Variants in DR1 observed in about 807,000 individuals in gnomAD.
DR1 encodes down-regulator of transcription 1.
DR1 carries 7 observed loss-of-function variants against 19.9 expected under a neutral mutation model. The observed-to-expected ratio is 0.35, with a 90% CI of 0.20 to 0.66. The LOEUF is 0.66. Among genes scored for constraint, DR1 ranks in the 30% least tolerant of loss-of-function variants. The pLI, the probability that DR1 is intolerant of heterozygous loss-of-function variation, is 0.66. For synonymous variants in DR1, 76 were observed against 72.5 expected (o/e 1.05, Z -0.24); for missense variants, 98 against 203.7 (o/e 0.48, Z 3.16).
intron 2 of DR1, among the ~76,000 whole-genome samples, chr1:93,359,444 G>A (rs1263733022): frequency 1.4e-4 from 21 of 152,134 alleles, no homozygotes; most frequent in Admixed American, 1.4e-3. Flanking sequence ...GAATGCATAG[G>A]GAATTATGGT....
intron 2 of DR1, chr1:93,355,642 A>G (rs1666971397): frequency 6.6e-6 from 1 of 152,224 alleles, no homozygotes; most frequent in African/African-American, 2.4e-5. Context: ...ACTGCCTGCT[A>G]TATCTGTCTT....
chr1:93,350,054 A>G (rs1666897637), intron 1 of DR1, among the ~76,000 whole-genome samples: 1 of 152,206 alleles, frequency 6.6e-6, no homozygotes, highest in Non-Finnish European at 1.5e-5. Context: ...GGACACATCT[A>G]ATTTGCACTG....
chr1:93,353,977 T>C lies in DR1; in HGVS notation c.290T>C (p.Val97Ala). ...VKEVLQECKTVALKRRKASSR... is the reference protein window; with the variant it reads ...VKEVLQECKTAALKRRKASSR... ...GAAGTCTTGCAAGAGTGTAAAACAG[T>C]AGCATTAAAAAGAAGAAAGGCCAGT... The change falls in exon 2 of 3, where the codon GTA becomes GCA. Residue 97 changes from valine (V) to alanine (A), a missense_variant. Val to Ala is a moderately conservative substitution (Grantham distance 64). Coordinates refer to ENST00000370272, the MANE Select transcript of DR1 (RefSeq NM_001938.3). 6.2e-7 allele frequency: 1 copy of C among 1,613,860 alleles called. No individual in the cohort carries two copies. Among genetic ancestry groups the C allele is most frequent in the Non-Finnish European group, 8.5e-7 (1 of 1,179,842 alleles).
rs143230866 is a variant in DR1, at chr1:93,358,521, C to G, written c.385-1972C>G. 6.0e-3 allele frequency among the ~76,000 whole-genome samples: 914 copies of G among 152,326 alleles called. 21 individuals are homozygous for G. Among genetic ancestry groups the G allele is most frequent in the Admixed American group, 0.041 (626 of 15,302 alleles). On this transcript the variant is annotated intron_variant, in intron 2 of 2. Coordinates refer to ENST00000370272, the MANE Select transcript of DR1 (RefSeq NM_001938.3). ...AGCCTGAACCCGCACCCCATCCCCC[C>G]ACTCTGGCAGTGTGGATCCCAACCC...
intron 1 of DR1, among the ~76,000 whole-genome samples, chr1:93,351,786 T>A (rs193247033): frequency 9.2e-5 from 14 of 152,268 alleles, no homozygotes; most frequent in Admixed American, 4.6e-4. Context: ...TTTTGAAGGG[T>A]TGTCTCTCCA....
At chr1:93,353,321 T>C (rs1176404873) in intron 1 of DR1, among the ~76,000 whole-genome samples, 1 of 152,216 alleles carries the variant, frequency 6.6e-6, no homozygotes, top group Non-Finnish European at 1.5e-5. Flanking sequence ...AAATATGTTT[T>C]TATTTTTCCT....
At chr1:93,357,958 A>G (rs1667010856) in intron 2 of DR1, among the ~76,000 whole-genome samples, 1 of 152,184 alleles carries the variant, frequency 6.6e-6, no homozygotes, top group African/African-American at 2.4e-5. Context: ...GATAACTATA[A>G]TATGAGGCTG....
At chr1:93,356,257 G>C (rs986039122) in intron 2 of DR1, among the ~76,000 whole-genome samples, 5 of 149,838 alleles carry the variant, frequency 3.3e-5, no homozygotes, top group African/African-American at 1.2e-4. Flanking sequence ...AAAGAGACAG[G>C]ATCTCACCAT....
chr1:93,356,698 T>C, intron 2 of DR1, among the ~76,000 whole-genome samples: 1 of 151,194 alleles, frequency 6.6e-6, no homozygotes, highest in South Asian at 2.1e-4. Context: ...TGATTTGCCC[T>C]GCAATTTTCT....
chr1:93,360,946 A>G lies in DR1; in HGVS notation c.*307A>G, dbSNP rs1667044747. On this transcript the variant is annotated 3_prime_UTR_variant, in exon 3 of 3. Coordinates refer to ENST00000370272, the MANE Select transcript of DR1 (RefSeq NM_001938.3). ...CAGTGTTACAGATAACTTCAAGTTTATAAAAATACAGTGAAATTTCTACAA... is the reference window on the plus strand; with the variant it reads ...CAGTGTTACAGATAACTTCAAGTTTGTAAAAATACAGTGAAATTTCTACAA... 2 of 200,590 alleles carry G rather than the reference A, an allele frequency of 1.0e-5. No individual in the cohort carries two copies. The highest frequency in any genetic ancestry group is 1.2e-4 in the Admixed American group (2 of 16,282). The allele number at this position is 200,590 out of a possible 1,614,324, so 12.4% of individuals were successfully genotyped here.
At chr1:93,357,140 G>C (rs1666996755) in intron 2 of DR1, among the ~76,000 whole-genome samples, 2 of 152,188 alleles carry the variant, frequency 1.3e-5, no homozygotes. Flanking sequence ...TACAAAAATG[G>C]ATGACAGTCA....
rs1666911258 is a variant in DR1, at chr1:93,351,432, C to CTTTCT, written c.221-2472_221-2468dup. On this transcript the variant is annotated intron_variant, in intron 1 of 2. Transcript: ENST00000370272. ...TTAAAAATAGCTTGGATTGGATTTT[C>CTTTCT]TTTCTTTTTTTTTTTTTTTTTTTTT... Among the ~76,000 whole-genome samples, 2 of 125,652 alleles carry CTTTCT rather than the reference C, an allele frequency of 1.6e-5. 1 individual carries two copies. Among genetic ancestry groups the CTTTCT allele is most frequent in the African/African-American group, 6.1e-5 (2 of 32,542 alleles). The allele number at this position is 125,652 out of a possible 152,430, so 82.4% of individuals were successfully genotyped here. A position where few individuals can be genotyped will look rare whatever the true frequency, so the allele number is the denominator to read the frequency against.
chr1:93,348,167 C>A (rs1666875147), intron 1 of DR1, among the ~76,000 whole-genome samples: 1 of 151,282 alleles, frequency 6.6e-6, no homozygotes, highest in Admixed American at 6.6e-5. Flanking sequence ...GCAGAAAAAT[C>A]CCTAGGAAAA....
chr1:93,359,992 A>C (rs901025569), intron 2 of DR1, among the ~76,000 whole-genome samples: 2 of 152,202 alleles, frequency 1.3e-5, no homozygotes, highest in Non-Finnish European at 2.9e-5. Context: ...TAGCTACTGC[A>C]TACATGTACA....
chr1:93,350,534 A>G (rs566054454), intron 1 of DR1, among the ~76,000 whole-genome samples: 5 of 152,240 alleles, frequency 3.3e-5, no homozygotes, highest in Admixed American at 2.6e-4. Context: ...TATGAAGTAT[A>G]AAGTGAGTCA....
intron 2 of DR1, among the ~76,000 whole-genome samples, chr1:93,356,948 C>T (rs1666994543): frequency 6.6e-6 from 1 of 152,124 alleles, no homozygotes; most frequent in South Asian, 2.1e-4. Flanking sequence ...TCTCAAACTC[C>T]CAACCTCAGG....
In DR1 at chr1:93,366,557, A is replaced by G. The variant is rs1291047877; in HGVS notation, c.*5918A>G. ...AACATATAATGAAATCAATTTTACC[A>G]TAGGTGAACTGATATAAATAAGAGT... is the stretch of plus-strand genomic sequence containing the variant. On this transcript the variant is annotated 3_prime_UTR_variant, in exon 3 of 3. Transcript: ENST00000370272. The G allele has an allele frequency of 6.6e-6, 1 of 152,210 alleles. No homozygotes were observed. Among genetic ancestry groups the G allele is most frequent in the Non-Finnish European group, 1.5e-5 (1 of 68,040 alleles). 9.4% of individuals were successfully genotyped at this position (152,210 alleles called of 1,614,324 possible). A position where few individuals can be genotyped will look rare whatever the true frequency, so the allele number is the denominator to read the frequency against.
chr1:93,362,069 CAATTTTAATT>C lies in DR1; in HGVS notation c.*1431_*1440del, dbSNP rs1667061080. 6.6e-6 allele frequency: 1 copy of C among 152,358 alleles called. No homozygotes were observed. The highest frequency in any genetic ancestry group is 6.5e-5 in the Admixed American group (1 of 15,268). The allele number at this position is 152,358 out of a possible 1,614,324, so 9.4% of individuals were successfully genotyped here. A position where few individuals can be genotyped will look rare whatever the true frequency, so the allele number is the denominator to read the frequency against. ...AAATAGATTGTGGCTCCCAGGATTC[CAATTTTAATT>C]GGAGAGCTAAGTAAGTAAAGTTTTA... On this transcript the variant is annotated 3_prime_UTR_variant, in exon 3 of 3. Transcript: ENST00000370272.
At chr1:93,347,602 A>G (rs771465) in intron 1 of DR1, among the ~76,000 whole-genome samples, 14,520 of 152,006 alleles carry the variant, frequency 0.096, 960 homozygotes, top group East Asian at 0.28. Context: ...TTTTTAACGG[A>G]AAATTTCCCC....
Sources: gnomAD v4.1 joint callset for allele counts (sites outside exome capture counted in the v4.1 genomes callset) on GRCh38, gnomAD v4.1.1 for gene constraint, MANE v1.5 for transcripts, NCBI Gene and HGNC (gene_info 2026-07-23, HGNC 2026-07-21) for gene names.